KCNIP4: variants seen among roughly 807,000 people sequenced by gnomAD.
The protein encoded by KCNIP4 is Kv channel-interacting protein 4.
KCNIP4 carries 12 observed loss-of-function variants against 34.0 expected under a neutral mutation model. The ratio of observed to expected loss-of-function variants is 0.35; its 90% CI spans 0.23 to 0.57. The LOEUF is 0.57. Ranked by LOEUF, KCNIP4 falls within the 20% of genes least tolerant of loss-of-function variation. The probability of loss-of-function intolerance (pLI) is 0.83; values close to 1 mark genes in which losing one functional copy is unlikely to be tolerated. For synonymous variants in KCNIP4, 124 were observed against 102.2 expected (o/e 1.21, Z -1.29); for missense variants, 238 against 311.7 (o/e 0.76, Z 1.78).
chr4:21,184,971 G>A (rs1194118002), intron 1 of KCNIP4, among the ~76,000 whole-genome samples: 1 of 152,076 alleles, frequency 6.6e-6, no homozygotes, highest in East Asian at 1.9e-4. Context: ...AAATATTTTT[G>A]GTTGCCACCA....
intron 1 of KCNIP4, among the ~76,000 whole-genome samples, chr4:21,061,980 T>C (rs1053835869): frequency 6.6e-6 from 1 of 152,158 alleles, no homozygotes; most frequent in Non-Finnish European, 1.5e-5. Context: ...AGAAGAAATC[T>C]ATCTTGTTCA....
chr4:21,410,116 T>C (rs1172511868), intron 1 of KCNIP4, among the ~76,000 whole-genome samples: 4 of 152,190 alleles, frequency 2.6e-5, no homozygotes, highest in Non-Finnish European at 5.9e-5. Flanking sequence ...TGGAAAATAA[T>C]AGTATACTTA....
intron 1 of KCNIP4, among the ~76,000 whole-genome samples, chr4:21,732,421 G>A (rs1159793402): frequency 1.3e-5 from 2 of 152,086 alleles, no homozygotes; most frequent in East Asian, 1.9e-4. Flanking sequence ...AAGCAGAGGC[G>A]TAATATTGAT....
intron 1 of KCNIP4, among the ~76,000 whole-genome samples, chr4:21,166,494 A>G (rs1045451752): frequency 6.6e-6 from 1 of 152,186 alleles, no homozygotes; most frequent in Admixed American, 6.5e-5. Context: ...AAAGTTAAAC[A>G]TGCACCTACA....
intron 1 of KCNIP4, among the ~76,000 whole-genome samples, chr4:21,296,850 G>A (rs1052053338): frequency 2.6e-5 from 4 of 151,900 alleles, no homozygotes; most frequent in Non-Finnish European, 4.4e-5. Context: ...AAACAGAGAG[G>A]TAAGGGCAGA....
intron 1 of KCNIP4, among the ~76,000 whole-genome samples, chr4:21,153,988 A>G (rs1233048306): frequency 6.6e-6 from 1 of 150,960 alleles, no homozygotes; most frequent in Non-Finnish European, 1.5e-5. Flanking sequence ...TAGTTAAAAA[A>G]AAAATGGAAA....
At chr4:21,733,345 T>G (rs535863246) in intron 1 of KCNIP4, among the ~76,000 whole-genome samples, 11 of 152,288 alleles carry the variant, frequency 7.2e-5, no homozygotes, top group African/African-American at 2.4e-4. Context: ...ACTGGGAGAT[T>G]TCTCAGATGG....
intron 1 of KCNIP4, among the ~76,000 whole-genome samples, chr4:20,982,706 C>T (rs187898363): frequency 1.6e-4 from 25 of 152,282 alleles, no homozygotes; most frequent in African/African-American, 5.3e-4. Flanking sequence ...CCATCATTAA[C>T]ATATTAAGAG....
At chr4:21,684,655 G>GA (rs1443704827) in intron 1 of KCNIP4, among the ~76,000 whole-genome samples, 4 of 151,922 alleles carry the variant, frequency 2.6e-5, no homozygotes, top group Admixed American at 1.3e-4. Context: ...TATTTTTGGT[G>GA]AAAAAAACAA....
chr4:21,712,700 C>T (rs560753389), intron 1 of KCNIP4, among the ~76,000 whole-genome samples: 1 of 151,964 alleles, frequency 6.6e-6, no homozygotes, highest in East Asian at 1.9e-4. Flanking sequence ...ACGTTTACTC[C>T]GGCACCTATA....
intron 1 of KCNIP4, among the ~76,000 whole-genome samples, chr4:21,517,520 A>G (rs1734861249): frequency 6.6e-6 from 1 of 152,222 alleles, no homozygotes; most frequent in African/African-American, 2.4e-5. Context: ...AGTTTGTAAA[A>G]GAAATAAAAC....
chr4:21,918,579 C>T (rs910984098), intron 1 of KCNIP4, among the ~76,000 whole-genome samples: 1 of 152,094 alleles, frequency 6.6e-6, no homozygotes, highest in Non-Finnish European at 1.5e-5. Flanking sequence ...TTCACCTTAA[C>T]TTAGAGACCT....
intron 1 of KCNIP4, among the ~76,000 whole-genome samples, chr4:21,088,355 T>G (rs1019601229): frequency 6.6e-6 from 1 of 152,168 alleles, no homozygotes; most frequent in Non-Finnish European, 1.5e-5. Context: ...CCTAAATATC[T>G]CTTATATTTG....
chr4:21,573,373 A>G (rs1053542044), intron 1 of KCNIP4, among the ~76,000 whole-genome samples: 5 of 152,006 alleles, frequency 3.3e-5, no homozygotes, highest in Admixed American at 6.6e-5. Flanking sequence ...TTCTGTTTTC[A>G]TGCTCCCCAT....
intron 1 of KCNIP4, chr4:21,316,521 G>A (rs1405335553): frequency 4.6e-5 from 7 of 152,142 alleles, no homozygotes; most frequent in Non-Finnish European, 1.0e-4. Context: ...TCAAATGGCA[G>A]AAAACTTTAA....
intron 1 of KCNIP4, among the ~76,000 whole-genome samples, chr4:21,296,783 A>C (rs372053688): frequency 2.2e-4 from 34 of 152,014 alleles, no homozygotes; most frequent in Admixed American, 8.5e-4. Context: ...CTACTGACTT[A>C]ATCAAATGCT....
intron 2 of KCNIP4, 161 bp from the exon 3 acceptor site, chr4:20,850,828 T>A: frequency 1.6e-6 from 1 of 645,148 alleles, no homozygotes; most frequent in Non-Finnish European, 2.4e-6. Context: ...TTTCCCAGTT[T>A]AAGCGTATTA....
chr4:21,674,284 A>G (rs1170968885), intron 1 of KCNIP4, among the ~76,000 whole-genome samples: 1 of 152,192 alleles, frequency 6.6e-6, no homozygotes, highest in Admixed American at 6.5e-5. Context: ...ATGTGTGCAC[A>G]CACACCCATG....
intron 1 of KCNIP4, among the ~76,000 whole-genome samples, chr4:20,983,392 CCTAA>C (rs911069224): frequency 6.3e-4 from 96 of 152,292 alleles, no homozygotes; most frequent in African/African-American, 2.2e-3. Context: ...CCCCACACCT[CCTAA>C]CTAATGAGGG....
Sources: allele counts gnomAD v4.1 joint callset (sites outside exome capture counted in the v4.1 genomes callset), GRCh38; gene constraint gnomAD v4.1.1; transcripts MANE v1.5; gene names NCBI Gene and HGNC (gene_info 2026-07-23, HGNC 2026-07-21).